CHST11: variants seen among roughly 807,000 people sequenced by gnomAD.
The protein encoded by CHST11 is carbohydrate sulfotransferase 11, also known as C4S-1.
In CHST11, 9 loss-of-function variants were observed where a neutral mutation model predicts 30.4. That is an observed-to-expected ratio of 0.30 (90% CI 0.18 to 0.52). The LOEUF (loss-of-function observed/expected upper bound fraction) is 0.52. CHST11 is among the 20% of genes least tolerant of loss of function. The probability of loss-of-function intolerance (pLI) is 0.97; values close to 1 mark genes in which losing one functional copy is unlikely to be tolerated. For synonymous variants in CHST11, 152 were observed against 187.8 expected (o/e 0.81, Z 1.56); for missense variants, 348 against 460.6 (o/e 0.76, Z 2.24).
At chr12:104,478,770 G>A (rs900171743) in intron 1 of CHST11, among the ~76,000 whole-genome samples, 2 of 152,110 alleles carry the variant, frequency 1.3e-5, no homozygotes, top group African/African-American at 4.8e-5. Flanking sequence ...GGAAATAAAG[G>A]TGGTGTTCCC....
In CHST11 at chr12:104,657,140, G is replaced by A. The variant is rs968917748; in HGVS notation, c.204+55149G>A. On this transcript the variant is annotated intron_variant, in intron 2 of 2. Transcript: ENST00000303694. ...AGCCCAAGCCCATGCTGCCATCCCA[G>A]TTTGTTTTTCCTGTTACCTAACAGT... 1.9e-4 allele frequency among the ~76,000 whole-genome samples: 29 copies of A among 152,236 alleles called. 3 individuals carry two copies. The highest frequency in any genetic ancestry group is 9.1e-4 in the Admixed American group (14 of 15,308).
intron 1 of CHST11, among the ~76,000 whole-genome samples, chr12:104,577,243 T>C (rs1943372602): frequency 6.8e-6 from 1 of 148,130 alleles, no homozygotes; most frequent in Admixed American, 6.7e-5. Context: ...CATTTTTTTT[T>C]TTTTTTTTTT....
intron 1 of CHST11, among the ~76,000 whole-genome samples, chr12:104,510,814 T>C (rs1250748085): frequency 6.6e-6 from 1 of 152,074 alleles, no homozygotes; most frequent in Non-Finnish European, 1.5e-5. Context: ...AGTTTCTTGT[T>C]TTTTCTTTTT....
chr12:104,609,431 G>A (rs2039037494), intron 2 of CHST11, among the ~76,000 whole-genome samples: 1 of 152,150 alleles, frequency 6.6e-6, no homozygotes, highest in Non-Finnish European at 1.5e-5. Flanking sequence ...AAAAAACCAC[G>A]GACAGTGAAC....
At chr12:104,660,521 C>T (rs1046038903) in intron 2 of CHST11, among the ~76,000 whole-genome samples, 3 of 152,220 alleles carry the variant, frequency 2.0e-5, no homozygotes, top group Non-Finnish European at 4.4e-5. Context: ...AAGCTCATTT[C>T]ATAGGCCAGA....
At chr12:104,592,514 A>G (rs1254615266) in intron 1 of CHST11, among the ~76,000 whole-genome samples, 1 of 152,124 alleles carries the variant, frequency 6.6e-6, no homozygotes, top group Non-Finnish European at 1.5e-5. Flanking sequence ...CTCTACCCCC[A>G]TGACCAAATC....
chr12:104,718,524 C>T (rs986382580), intron 2 of CHST11, among the ~76,000 whole-genome samples: 26 of 152,190 alleles, frequency 1.7e-4, no homozygotes, highest in Non-Finnish European at 2.2e-4. Flanking sequence ...CATCACACTG[C>T]CTTCCGTGTG....
intron 2 of CHST11, among the ~76,000 whole-genome samples, chr12:104,647,985 G>T (rs1052315933): frequency 2.0e-5 from 3 of 152,364 alleles, no homozygotes; most frequent in South Asian, 4.1e-4. Context: ...GAGGCAGGTG[G>T]AGGATATGCC....
intron 1 of CHST11, among the ~76,000 whole-genome samples, chr12:104,598,632 C>T (rs903108106): frequency 6.6e-6 from 1 of 152,152 alleles, no homozygotes; most frequent in Admixed American, 6.5e-5. Context: ...TTTTAACAAG[C>T]AATATCATGG....
intron 2 of CHST11, among the ~76,000 whole-genome samples, chr12:104,608,393 C>T (rs969506705): frequency 5.3e-5 from 8 of 152,116 alleles, no homozygotes; most frequent in East Asian, 1.9e-4. Context: ...ACCAGACCCT[C>T]GGCTGATAGA....
chr12:104,743,026 C>A (rs898161177), intron 2 of CHST11, among the ~76,000 whole-genome samples: 1 of 152,228 alleles, frequency 6.6e-6, no homozygotes, highest in Non-Finnish European at 1.5e-5. Context: ...AGGAAGCCCA[C>A]GAGGCCTCAT....
At chr12:104,594,934 G>C (rs539977399) in intron 1 of CHST11, among the ~76,000 whole-genome samples, 35 of 152,338 alleles carry the variant, frequency 2.3e-4, no homozygotes, top group African/African-American at 7.2e-4. Context: ...ATGACAGAGC[G>C]AGACACTGTC....
rs916763601 is a variant in CHST11 at position 104,652,297 on chromosome 12, C to T, written c.204+50306C>T. On this transcript the variant is annotated intron_variant, in intron 2 of 2. Transcript: ENST00000303694. The stretch of plus-strand genomic sequence containing the variant: ...TGGCACGGACAATGATGGTAATTGT[C>T]GGCAGCGGGATAATTGATCTAATTA... Among the ~76,000 whole-genome samples the T allele has an allele frequency of 2.6e-5, 4 of 152,156 alleles. No homozygotes were observed. The South Asian group carries it at 6.2e-4, about 24-fold the overall frequency.
chr12:104,533,184 T>A (rs772283410), intron 1 of CHST11, among the ~76,000 whole-genome samples: 1 of 152,234 alleles, frequency 6.6e-6, no homozygotes, highest in Non-Finnish European at 1.5e-5. Flanking sequence ...CCCACCTCCA[T>A]GACTGTACTC....
At chr12:104,622,812 T>C (rs74975036) in intron 2 of CHST11, among the ~76,000 whole-genome samples, 1,621 of 152,304 alleles carry the variant, frequency 0.011, 32 homozygotes, top group African/African-American at 0.037. Context: ...CTGAGACCCA[T>C]GCCAAGCACA....
At chr12:104,526,168 A>G (rs1159943785) in intron 1 of CHST11, among the ~76,000 whole-genome samples, 1 of 152,062 alleles carries the variant, frequency 6.6e-6, no homozygotes, top group Non-Finnish European at 1.5e-5. Context: ...ACTTGAGGCA[A>G]AGAGTTCAGT....
Position 104,697,091 on chromosome 12 carries a change from G to A in CHST11, c.205-59858G>A, listed in dbSNP as rs116757011. Among the ~76,000 whole-genome samples the A allele has an allele frequency of 8.7e-3, 1,326 of 152,246 alleles. 24 individuals are homozygous for A. The highest frequency in any genetic ancestry group is 0.029 in the African/African-American group (1,219 of 41,532). ...CATTGATCAAAGCATCCTGGTGCAT[G>A]TCTGCCTTCAGATGCACAAGTATAA... On this transcript the variant is annotated intron_variant, in intron 2 of 2. Transcript: ENST00000303694.
At chr12:104,609,634 G>A (rs1046168595) in intron 2 of CHST11, among the ~76,000 whole-genome samples, 1 of 152,162 alleles carries the variant, frequency 6.6e-6, no homozygotes, top group African/African-American at 2.4e-5. Flanking sequence ...ATGACCTGGG[G>A]CAGTCACTTA....
chr12:104,485,691 G>T (rs1301725957), intron 1 of CHST11, among the ~76,000 whole-genome samples: 1 of 152,062 alleles, frequency 6.6e-6, no homozygotes, highest in African/African-American at 2.4e-5. Context: ...CTTAGGAATT[G>T]GTCGTGGGGA....
Sources: gnomAD v4.1 joint callset for allele counts (sites outside exome capture counted in the v4.1 genomes callset) on GRCh38, gnomAD v4.1.1 for gene constraint, MANE v1.5 for transcripts, NCBI Gene and HGNC (gene_info 2026-07-23, HGNC 2026-07-21) for gene names.